SETX: variants seen among roughly 807,000 people sequenced by gnomAD.
SETX encodes senataxin.
SETX carries 90 observed loss-of-function variants against 227.2 expected under a neutral mutation model. That is an observed-to-expected ratio of 0.40 (90% CI 0.33 to 0.47). The LOEUF (loss-of-function observed/expected upper bound fraction) is 0.47, where lower values mean the gene tolerates loss of function less well. Among genes scored for constraint, SETX ranks in the 20% least tolerant of loss-of-function variants. The pLI is 0.91. For missense variants in SETX, 3,052 were observed against 3,181.5 expected (o/e 0.96, Z 0.98); for synonymous variants, 1,210 against 1,113.2 (o/e 1.09, Z -1.73).
At chr9:132,276,366 A>G (rs73661151) in intron 22 of SETX, among the ~76,000 whole-genome samples, 3,118 of 152,284 alleles carry the variant, frequency 0.02, 43 homozygotes, top group African/African-American at 0.034. Flanking sequence ...AACCTCTTCA[A>G]TGAGTGTTCC....
At chr9:132,323,277 A>T (rs1222553757) in intron 10 of SETX, among the ~76,000 whole-genome samples, 1 of 152,220 alleles carries the variant, frequency 6.6e-6, no homozygotes, top group Non-Finnish European at 1.5e-5. Context: ...CGATTTAAAC[A>T]TTCAAGAAAA....
At chr9:132,281,850 C>T (rs1349123043) in intron 19 of SETX, among the ~76,000 whole-genome samples, 3 of 151,814 alleles carry the variant, frequency 2.0e-5, no homozygotes, top group African/African-American at 7.3e-5. Flanking sequence ...ACCAGCCTGG[C>T]CAACATGGCG....
At chr9:132,339,792 A>G (rs894053531) in intron 5 of SETX, among the ~76,000 whole-genome samples, 4 of 151,804 alleles carry the variant, frequency 2.6e-5, no homozygotes, top group African/African-American at 7.3e-5. Context: ...TTTTTGTATT[A>G]TTAGTAGAGA....
intron 10 of SETX, among the ~76,000 whole-genome samples, chr9:132,320,422 AAAC>A (rs1358038305): frequency 1.3e-5 from 2 of 151,918 alleles, no homozygotes. Context: ...AAAAATACAA[AAAC>A]AAAAATTAGC....
chr9:132,344,869 TAAA>T (rs10612492), intron 4 of SETX, among the ~76,000 whole-genome samples: 6,708 of 139,266 alleles, frequency 0.048, 173 homozygotes, highest in African/African-American at 0.06. Context: ...TGAGACTCTT[TAAA>T]AAAAAAAAAA....
At chr9:132,322,753 G>A (rs1020009879) in intron 10 of SETX, among the ~76,000 whole-genome samples, 6 of 151,968 alleles carry the variant, frequency 3.9e-5, no homozygotes, top group African/African-American at 1.5e-4. Flanking sequence ...TAACAGAAAG[G>A]ACTATAAACA....
intron 9 of SETX, 120 bp downstream of exon 9, chr9:132,330,932 A>G (rs534285149): frequency 2.5e-6 from 2 of 792,674 alleles, no homozygotes; most frequent in Admixed American, 1.9e-5. Flanking sequence ...GGGCTTTTAC[A>G]TAGCAGTAGA....
chr9:132,282,759 T>G (rs1390958672), intron 19 of SETX: 1 of 163,784 alleles, frequency 6.1e-6, no homozygotes, highest in Non-Finnish European at 1.4e-5. Flanking sequence ...TTTCCACTTT[T>G]TGTCCTTTCC....
intron 11 of SETX, among the ~76,000 whole-genome samples, chr9:132,301,758 T>C (rs546858251): frequency 6.6e-6 from 1 of 152,280 alleles, no homozygotes; most frequent in East Asian, 1.9e-4. Flanking sequence ...TGTATCCCCA[T>C]CATTAAGTGA....
intron 6 of SETX, 25 bp from the exon 7 acceptor site, chr9:132,334,752 T>C (rs1248955932): frequency 6.2e-7 from 1 of 1,612,556 alleles, no homozygotes; most frequent in Non-Finnish European, 8.5e-7. Flanking sequence ...AGAGTTATCT[T>C]GAATTGATGA....
At chr9:132,331,215 T>C (rs772587835) in intron 8 of SETX, 62 bp downstream of exon 8, 109 of 1,608,638 alleles carry the variant, frequency 6.8e-5, no homozygotes, top group Non-Finnish European at 8.8e-5. Flanking sequence ...TGTTAAGTAA[T>C]CTAGCTGGAA....
intron 2 of SETX, 121 bp from the exon 3 acceptor site, chr9:132,349,556 A>G: frequency 1.1e-6 from 1 of 937,912 alleles, no homozygotes; most frequent in South Asian, 1.4e-5. Context: ...CTAAAACCCA[A>G]ATCTTCTGCT....
At chr9:132,341,842 G>T (rs923876642) in intron 5 of SETX, among the ~76,000 whole-genome samples, 28 of 152,086 alleles carry the variant, frequency 1.8e-4, no homozygotes, top group African/African-American at 6.8e-4. Flanking sequence ...CCGCCACCCA[G>T]GCCAGGTTTC....
At position 132,329,147 on chromosome 9, in the gene SETX, T is replaced by C; in HGVS notation, c.2451A>G (p.Val817=). 2 of 1,611,624 alleles carry C rather than the reference T, an allele frequency of 1.2e-6. No homozygotes were observed. Among genetic ancestry groups the C allele is most frequent in the Non-Finnish European group, 1.7e-6 (2 of 1,179,694 alleles). ...TTGAATAGAAACTCTCAATGTTAGA[T>C]ACAGTCAAATTTTCATCTAAATTGA... is the stretch of plus-strand genomic sequence containing the variant. The part of the protein sequence containing the change: ...NTINLDENLT[V]SNIESFYSRK... The change falls in exon 10 of 26, where the codon GTA becomes GTG. Residue 817 remains valine, a synonymous_variant. Transcript: ENST00000224140.
chr9:132,307,029 C>T (rs764729312), intron 11 of SETX, among the ~76,000 whole-genome samples: 6 of 152,304 alleles, frequency 3.9e-5, no homozygotes, highest in Non-Finnish European at 5.9e-5. Flanking sequence ...CCAAGGCAGG[C>T]GGGTCACCTG....
intron 12 of SETX, 67 bp downstream of exon 12, chr9:132,300,563 T>C (rs978275162): frequency 1.2e-5 from 18 of 1,518,992 alleles, no homozygotes; most frequent in East Asian, 2.3e-5. Flanking sequence ...ATATACACAA[T>C]TGAGAAGTAG....
At position 132,330,342 on chromosome 9, in the gene SETX, A is replaced by G; in HGVS notation, c.1256T>C (p.Met419Thr). 6.2e-7 allele frequency: 1 copy of G among 1,614,084 alleles called. No homozygotes were observed. Among genetic ancestry groups the G allele is most frequent in the African/African-American group, 1.3e-5 (1 of 75,066 alleles). Residue 419 changes from methionine to threonine, a missense_variant, in exon 10 of 26, where the codon ATG becomes ACG. Physicochemically the swap from Met to Thr is moderately conservative, Grantham distance 81. Around this residue, in one of 10 missense-constraint regions of SETX, gnomAD observed 179 missense variants for 197.1 expected, o/e 0.91. Coordinates refer to ENST00000224140, the MANE Select transcript of SETX (RefSeq NM_015046.7). The stretch of plus-strand genomic sequence containing the variant: ...AGCCACACCCAAATCCTTAAGATCC[A>G]TGAGGGACTGGACAAAAGGGATGAA... Reference protein sequence around the residue: ...LWFIPFVQSLMDLKDLGVAYI... With the variant: ...LWFIPFVQSLTDLKDLGVAYI...
At chr9:132,349,735 T>C (rs754984342) in intron 2 of SETX, among the ~76,000 whole-genome samples, 4 of 152,120 alleles carry the variant, frequency 2.6e-5, no homozygotes, top group Non-Finnish European at 5.9e-5. Context: ...AGAAAATATA[T>C]AGAGACCCAG....
At chr9:132,294,114 C>T (rs1844521359) in intron 15 of SETX, among the ~76,000 whole-genome samples, 1 of 148,292 alleles carries the variant, frequency 6.7e-6, no homozygotes, top group African/African-American at 2.6e-5. Flanking sequence ...CAACATACAC[C>T]TGAAAAGCAG....
Sources: gnomAD v4.1 joint callset for allele counts (sites outside exome capture counted in the v4.1 genomes callset) on GRCh38, gnomAD v4.1.1 for gene constraint, gnomAD v4.1.1 regional missense constraint, MANE v1.5 for transcripts, NCBI Gene and HGNC (gene_info 2026-07-23, HGNC 2026-07-21) for gene names.